Variants in FANCM observed in about 807,000 individuals in gnomAD.
FANCM encodes FA complementation group M, also known as Fanconi anemia group M protein.
A neutral mutation model predicts 199.5 loss-of-function variants in FANCM; 140 were observed. The ratio of observed to expected loss-of-function variants is 0.70; its 90% confidence interval spans 0.61 to 0.81. The LOEUF is 0.81. Among genes scored for constraint, FANCM ranks in the 30% least tolerant of loss-of-function variants. The probability of loss-of-function intolerance (pLI) is 0.00; values close to 1 mark genes in which losing one functional copy is unlikely to be tolerated. For missense variants in FANCM, 2,410 were observed against 2,421.4 expected, an observed-to-expected ratio of 1.00 and a Z score of 0.10; for synonymous variants, 840 against 836.8, an observed-to-expected ratio of 1.00 and a Z score of -0.07.
chr14:45,176,711 ATTGTTATCTCC>A lies in FANCM; in HGVS notation c.3959_3969del (p.Leu1320TrpfsTer20). The A allele has an allele frequency of 4.3e-6, 7 of 1,613,660 alleles. No homozygotes were observed. Among genetic ancestry groups the A allele is most frequent in the Non-Finnish European group, 5.9e-6 (7 of 1,179,764 alleles). On this transcript the variant is annotated frameshift_variant, in exon 14 of 23. Transcript: ENST00000267430. LOFTEE classifies it high-confidence loss of function. ...CACTGAGTGCAGCAAAAAATGAAGA[ATTGTTATCTCC>A]TGGTTATTCTCAGTTTTCTTTACCA...
rs1230068584 is a variant in FANCM, at chr14:45,189,402, C to A, written c.5340+40C>A. On this transcript the variant is annotated intron_variant, in intron 20 of 22. Coordinates refer to ENST00000267430, the MANE Select transcript of FANCM (RefSeq NM_020937.4). Reference sequence around the variant, plus strand: ...AAGGAAAAATATCTTTAGATGGTTACCAGAAGTTTTTCTTTTTCTTTCTTG... The same window carrying A: ...AAGGAAAAATATCTTTAGATGGTTAACAGAAGTTTTTCTTTTTCTTTCTTG... The A allele has an allele frequency of 2.8e-6, 4 of 1,454,074 alleles. No homozygotes were observed. In the South Asian group the frequency reaches 4.6e-5, roughly 17 times the overall value. The allele number at this position is 1,454,074 out of a possible 1,614,324, so 90.1% of individuals were successfully genotyped here. A position where few individuals can be genotyped will look rare whatever the true frequency, so the allele number is the denominator to read the frequency against.
chr14:45,148,056 G>A (rs934433802), intron 3 of FANCM, among the ~76,000 whole-genome samples: 5 of 152,010 alleles, frequency 3.3e-5, no homozygotes, highest in Non-Finnish European at 5.9e-5. Context: ...AATTAGCTGG[G>A]TGTAGTGGCA....
intron 13 of FANCM, among the ~76,000 whole-genome samples, chr14:45,173,895 G>A (rs1381670341): frequency 1.3e-5 from 2 of 152,136 alleles, no homozygotes; most frequent in Non-Finnish European, 2.9e-5. Flanking sequence ...AAATAAAGTA[G>A]TTAGATGTGG....
chr14:45,175,957 A>T lies in FANCM; in HGVS notation c.3203A>T (p.Asp1068Val). The T allele has an allele frequency of 6.2e-7, 1 of 1,613,544 alleles. No individual in the cohort carries two copies. Among genetic ancestry groups the T allele is most frequent in the South Asian group, 1.1e-5 (1 of 91,044 alleles). ...CCATCTGAAAAAAGTTGCCTTTATG[A>T]TATACCTAATGATAATATTTCTGAT... is the stretch of plus-strand genomic sequence containing the variant. ...NYPSEKSCLY[D>V]IPNDNISDEP... Residue 1068 changes from aspartate (D) to valine (V), a missense_variant, in exon 14 of 23, where the codon GAT becomes GTT. Transcript: ENST00000267430.
At chr14:45,197,469 T>G (rs1184815271) in intron 21 of FANCM, among the ~76,000 whole-genome samples, 2 of 144,596 alleles carry the variant, frequency 1.4e-5, no homozygotes, top group Non-Finnish European at 3.0e-5. Flanking sequence ...ATTTTTTTTT[T>G]GTTTTTTTTT....
chr14:45,181,364 T>C (rs1889054134), intron 14 of FANCM, 66 bp from the exon 15 acceptor site: 3 of 839,558 alleles, frequency 3.6e-6, no homozygotes, highest in Non-Finnish European at 5.9e-6. Context: ...ATCAATAAAA[T>C]AGATTGTTAT....
At chr14:45,145,750 C>T (rs1886317729) in intron 3 of FANCM, among the ~76,000 whole-genome samples, 1 of 151,988 alleles carries the variant, frequency 6.6e-6, no homozygotes, top group Non-Finnish European at 1.5e-5. Flanking sequence ...CAGTGAAACC[C>T]CGTCTCTACT....
Position 45,198,674 on chromosome 14 carries a change from A to G in FANCM, c.5747A>G (p.Lys1916Arg), listed in dbSNP as rs908307807. Residue 1916 changes from lysine to arginine, a missense_variant, in exon 22 of 23, where the codon AAG (lysine) becomes AGG (arginine). Transcript: ENST00000267430. ...ACATCAAGGATGTTTAGGAGAACAA[A>G]GAGCTATGACAGCCTGCTGACTACC... is the stretch of plus-strand genomic sequence containing the variant. The part of the protein sequence containing the change: ...GDTSRMFRRT[K>R]SYDSLLTTLI... 5 of 1,612,842 alleles carry G rather than the reference A, an allele frequency of 3.1e-6. No homozygotes were observed. In the East Asian group the frequency reaches 6.7e-5, roughly 22 times the overall value.
chr14:45,154,845 A>T, intron 7 of FANCM, 23 bp downstream of exon 7: 1 of 1,600,846 alleles, frequency 6.2e-7, no homozygotes, highest in Non-Finnish European at 8.5e-7. Context: ...TTTTAAAATT[A>T]TGTATTGTGT....
At chr14:45,141,665 C>T (rs886510984) in intron 3 of FANCM, among the ~76,000 whole-genome samples, 1 of 150,652 alleles carries the variant, frequency 6.6e-6, no homozygotes, top group African/African-American at 2.5e-5. Context: ...CCTTGGCTCA[C>T]TGCAACCTCC....
Position 45,189,059 on chromosome 14 carries a change from T to A in FANCM, c.5037T>A (p.Asn1679Lys). Residue 1679 changes from asparagine (N) to lysine (K), a missense_variant, in exon 20 of 23, where the codon AAT (asparagine) becomes AAA (lysine). Coordinates refer to ENST00000267430, the MANE Select transcript of FANCM (RefSeq NM_020937.4). ...LPDDSSEEEN[N>K]VNDKRESNIA... The stretch of plus-strand genomic sequence containing the variant: ...ATGATTCAAGTGAGGAGGAGAACAA[T>A]GTAAATGATAAAAGAGAATCTAATA... 1 of 1,614,104 alleles carries A rather than the reference T, an allele frequency of 6.2e-7. No homozygotes were observed. Among genetic ancestry groups the A allele is most frequent in the East Asian group, 2.2e-5 (1 of 44,878 alleles).
At chr14:45,194,249 C>G (rs1282101543) in intron 20 of FANCM, among the ~76,000 whole-genome samples, 1 of 150,972 alleles carries the variant, frequency 6.6e-6, no homozygotes, top group Non-Finnish European at 1.5e-5. Flanking sequence ...TTGCAGTGAG[C>G]TGAGACTGCA....
intron 11 of FANCM, among the ~76,000 whole-genome samples, chr14:45,168,036 A>G (rs1363439800): frequency 1.3e-5 from 2 of 152,128 alleles, no homozygotes; most frequent in Non-Finnish European, 2.9e-5. Flanking sequence ...GGTTTCTTAG[A>G]TAAAAAGTAC....
chr14:45,163,032 T>C (rs1251511031), intron 9 of FANCM, among the ~76,000 whole-genome samples: 1 of 152,208 alleles, frequency 6.6e-6, no homozygotes, highest in Non-Finnish European at 1.5e-5. Flanking sequence ...AGAAAATCCT[T>C]GGACCAGTGC....
rs1885449157 is a variant in FANCM, at chr14:45,135,947, G to C, written c.-85G>C. The C allele has an allele frequency of 6.8e-7, 1 of 1,473,912 alleles. No individual in the cohort carries two copies. Among genetic ancestry groups the C allele is most frequent in the East Asian group, 2.3e-5 (1 of 44,204 alleles). 91.3% of individuals were successfully genotyped at this position (1,473,912 alleles called of 1,614,324 possible). ...TTCTCGTTCCAGAGTTTTGTGCGAA[G>C]GAAACCGATGGGGATCGGAACCGTA... On this transcript the variant is annotated 5_prime_UTR_variant, in exon 1 of 23. Transcript: ENST00000267430.
chr14:45,166,840 C>A (rs1392882557), intron 10 of FANCM, 110 bp from the exon 11 acceptor site: 4 of 693,212 alleles, frequency 5.8e-6, no homozygotes, highest in South Asian at 1.8e-5. Flanking sequence ...TTAAGTGGAT[C>A]GGGGTTTAAT....
chr14:45,145,100 G>T lies in FANCM; in HGVS notation c.760-3737G>T, dbSNP rs181460828. Reference sequence around the variant, plus strand: ...CCTTCAAGGTAGCGGGTTTCCTTCTGGCCCAGGGTACGTCTAGAAAAGTTG... The same window carrying T: ...CCTTCAAGGTAGCGGGTTTCCTTCTTGCCCAGGGTACGTCTAGAAAAGTTG... On this transcript the variant is annotated intron_variant, in intron 3 of 22. Transcript: ENST00000267430. Among the ~76,000 whole-genome samples the T allele has an allele frequency of 6.6e-5, 10 of 151,976 alleles. 1 individual carries two copies. The highest frequency in any genetic ancestry group is 1.3e-4 in the Non-Finnish European group (9 of 67,970).
chr14:45,147,897 G>A (rs866063793), intron 3 of FANCM, among the ~76,000 whole-genome samples: 3 of 125,994 alleles, frequency 2.4e-5, no homozygotes, highest in South Asian at 5.1e-4. Context: ...GTTCCAAACC[G>A]CCCCCCCCCC....
intron 4 of FANCM, among the ~76,000 whole-genome samples, chr14:45,149,493 A>G (rs1886669376): frequency 6.6e-6 from 1 of 152,096 alleles, no homozygotes; most frequent in Admixed American, 6.6e-5. Context: ...TAGCCTCCCA[A>G]GTAGCTGGGA....
Sources: gnomAD v4.1 joint callset for allele counts (sites outside exome capture counted in the v4.1 genomes callset) on GRCh38, gnomAD v4.1.1 for gene constraint, MANE v1.5 for transcripts, NCBI Gene and HGNC (gene_info 2026-07-23, HGNC 2026-07-21) for gene names.